The following CD163 variants were observed in gnomAD, a reference collection of about 807,000 sequenced individuals.
The protein encoded by CD163 is CD163 molecule, also known as scavenger receptor cysteine-rich type 1 protein M130.
A neutral mutation model predicts 129.2 loss-of-function variants in CD163; 64 were observed. That is an observed-to-expected ratio of 0.50 (90% CI 0.41 to 0.61). The LOEUF is 0.61. Among genes scored for constraint, CD163 ranks in the 20% least tolerant of loss-of-function variants. CD163 has a pLI of 0.00. For missense variants in CD163, 1,061 were observed against 1,377.9 expected (o/e 0.77, Z 3.64); for synonymous variants, 446 against 478.5 (o/e 0.93, Z 0.89).
chr12:7,486,682 G>C lies in CD163; in HGVS notation c.2275C>G (p.Gln759Glu). The change falls in exon 10 of 17, where the codon CAG (glutamine) becomes GAG (glutamate). Residue 759 changes from glutamine (Q) to glutamate (E), a missense_variant. Physicochemically the swap from Gln to Glu is conservative, Grantham distance 29 (BLOSUM62 2). Transcript: ENST00000432237. ...TTAATGGCCTCTCCACAGCCCAGCT[G>C]TCTGCAAACCACGTGGGCATCACTC... ...DLSDAHVVCR[Q>E]LGCGEAINAT... The C allele has an allele frequency of 6.2e-7, 1 of 1,614,194 alleles. No homozygotes were observed. Among genetic ancestry groups the C allele is most frequent in the East Asian group, 2.2e-5 (1 of 44,882 alleles).
chr12:7,494,037 T>C (rs1949363957), intron 6 of CD163, among the ~76,000 whole-genome samples: 1 of 152,212 alleles, frequency 6.6e-6, no homozygotes, highest in Non-Finnish European at 1.5e-5. Flanking sequence ...AAACAATTTA[T>C]ACAACATGCC....
At position 7,485,891 on chromosome 12, in the gene CD163, C is replaced by A. The variant is rs182190349; in HGVS notation, c.2459-475G>T. ...TCATTAAAATAGGAATAAATCACTT[C>A]TGAGATACAGAGTTTTTCACTTCCT... On this transcript the variant is annotated intron_variant, in intron 10 of 16. Transcript: ENST00000432237. The surrounding 1 kb of genome is among the most constrained non-coding windows in gnomAD (Gnocchi z 4.5). Among the ~76,000 whole-genome samples, 549 of 152,230 alleles carry A rather than the reference C, an allele frequency of 3.6e-3. 6 individuals are homozygous for A. Among genetic ancestry groups the A allele is most frequent in the African/African-American group, 0.013 (534 of 41,506 alleles).
chr12:7,483,760 T>TAA (rs35675142), intron 11 of CD163, 85 bp from the exon 12 acceptor site: 1,425 of 402,606 alleles, frequency 3.5e-3, no homozygotes, highest in East Asian at 4.6e-3. Context: ...ATTTGAAACT[T>TAA]AAAAAAAAAA....
In CD163 at chr12:7,486,758, C is replaced by G; in HGVS notation, c.2199G>C (p.Glu733Asp). Residue 733 changes from glutamate (E) to aspartate (D), a missense_variant, in exon 10 of 17, where the codon GAG becomes GAC. Physicochemically the swap from Glu to Asp is conservative, Grantham distance 45 (BLOSUM62 2). Transcript: ENST00000432237. ...NGGGRCAGRV[E>D]IYHEGSWGTI... ...TGCCCCAGGAGCCCTCATGATAGAT[C>G]TCTACTCTCCCAGCACAGCGACCTC... 6.2e-7 allele frequency: 1 copy of G among 1,614,052 alleles called. No homozygotes were observed. Among genetic ancestry groups the G allele is most frequent in the Non-Finnish European group, 8.5e-7 (1 of 1,179,920 alleles).
chr12:7,491,924 A>G (rs1377866777), intron 6 of CD163, among the ~76,000 whole-genome samples: 4 of 152,082 alleles, frequency 2.6e-5, no homozygotes, highest in African/African-American at 9.7e-5. Context: ...ATTGTTTCCA[A>G]TTCTCCTGCT....
intron 6 of CD163, among the ~76,000 whole-genome samples, chr12:7,489,771 C>T (rs964458380): frequency 1.3e-5 from 2 of 152,068 alleles, no homozygotes; most frequent in African/African-American, 4.8e-5. Context: ...TTCATAGATT[C>T]CCTAATTTCG....
rs758460376 is a variant in CD163, at chr12:7,486,757, T to A, written c.2200A>T (p.Ile734Phe). The change falls in exon 10 of 17, where the codon ATC becomes TTC. Residue 734 changes from isoleucine to phenylalanine, a missense_variant. Coordinates refer to ENST00000432237, the MANE Select transcript of CD163 (RefSeq NM_203416.4). ...GTGCCCCAGGAGCCCTCATGATAGATCTCTACTCTCCCAGCACAGCGACCT... is the reference window on the plus strand; with the variant it reads ...GTGCCCCAGGAGCCCTCATGATAGAACTCTACTCTCCCAGCACAGCGACCT... ...GGGRCAGRVE[I>F]YHEGSWGTIC... The A allele has an allele frequency of 6.2e-7, 1 of 1,613,924 alleles. No homozygotes were observed. The highest frequency in any genetic ancestry group is 2.2e-5 in the East Asian group (1 of 44,886).
intron 4 of CD163, among the ~76,000 whole-genome samples, chr12:7,497,839 G>A (rs1428003504): frequency 1.3e-5 from 2 of 152,124 alleles, no homozygotes; most frequent in Admixed American, 6.5e-5. Context: ...AGAATGGAAG[G>A]TACAGTCTGT....
chr12:7,498,160 G>A (rs2136737079), intron 4 of CD163, among the ~76,000 whole-genome samples: 1 of 151,936 alleles, frequency 6.6e-6, no homozygotes, highest in East Asian at 1.9e-4. Context: ...GAGAGAGAGA[G>A]AGAGAGAGAA....
intron 4 of CD163, among the ~76,000 whole-genome samples, chr12:7,497,646 C>T (rs182511326): frequency 2.0e-5 from 3 of 152,188 alleles, no homozygotes; most frequent in Admixed American, 2.0e-4. Flanking sequence ...ACAATTTTCA[C>T]CTTCCCCAAA....
In CD163 at chr12:7,496,620, G is replaced by C. The variant is rs746575539; in HGVS notation, c.1099+193C>G. Among the ~76,000 whole-genome samples the C allele has an allele frequency of 6.6e-6, 1 of 152,122 alleles. No individual in the cohort carries two copies. Among genetic ancestry groups the C allele is most frequent in the African/African-American group, 2.4e-5 (1 of 41,418 alleles). ...CTGAGTAATTATTACAGAGAATGCCGTCAGACAACCTTCCAAACTAGTTGA... is the reference window on the plus strand; with the variant it reads ...CTGAGTAATTATTACAGAGAATGCCCTCAGACAACCTTCCAAACTAGTTGA... On this transcript the variant is annotated intron_variant, in intron 5 of 16. Coordinates refer to ENST00000432237, the MANE Select transcript of CD163 (RefSeq NM_203416.4). The surrounding 1 kb of genome is among the most constrained non-coding windows in gnomAD (Gnocchi z 4.8).
chr12:7,488,008 G>A lies in CD163; in HGVS notation c.1500C>T (p.Gly500=), dbSNP rs780386099. 3.1e-6 allele frequency: 5 copies of A among 1,613,996 alleles called. No individual in the cohort carries two copies. Among genetic ancestry groups the A allele is most frequent in the Non-Finnish European group, 4.2e-6 (5 of 1,180,008 alleles). Residue 500 remains glycine (G), a synonymous_variant, in exon 7 of 17, where the codon GGC becomes GGT. Transcript: ENST00000432237. ...RVEVKHGDTW[G]SICDSDFSLE... Reference sequence around the variant, plus strand: ...GAGAGAAGTCCGAATCACAGATGGAGCCCCACGTGTCACCATGCTTCACTT... The same window carrying A: ...GAGAGAAGTCCGAATCACAGATGGAACCCCACGTGTCACCATGCTTCACTT...
In CD163 at chr12:7,496,620, G is replaced by A. The variant is rs746575539; in HGVS notation, c.1099+193C>T. Among the ~76,000 whole-genome samples, 11 of 152,240 alleles carry A rather than the reference G, an allele frequency of 7.2e-5. No individual in the cohort carries two copies. In the East Asian group the frequency reaches 1.5e-3, roughly 21 times the overall value. ...CTGAGTAATTATTACAGAGAATGCCGTCAGACAACCTTCCAAACTAGTTGA... is the reference window on the plus strand; with the variant it reads ...CTGAGTAATTATTACAGAGAATGCCATCAGACAACCTTCCAAACTAGTTGA... On this transcript the variant is annotated intron_variant, in intron 5 of 16. Coordinates refer to ENST00000432237, the MANE Select transcript of CD163 (RefSeq NM_203416.4). The surrounding 1 kb of genome is among the most constrained non-coding windows in gnomAD (Gnocchi z 4.8).
intron 14 of CD163, 27 bp downstream of exon 14, chr12:7,482,616 A>G: frequency 6.2e-7 from 1 of 1,613,574 alleles, no homozygotes; most frequent in Non-Finnish European, 8.5e-7. Flanking sequence ...CTGTAGACAT[A>G]TTAGATAAAC....
chr12:7,487,502 GCTC>G lies in CD163; in HGVS notation c.1904_1906del (p.Gly635del). ...CTGACCATTTCCTTTTCCAAAACGT[GCTC>G]CTCCTGGGGTAGAAAGGGCAACTCC... On this transcript the variant is annotated inframe_deletion, in exon 8 of 17. Transcript: ENST00000432237. This position sits in a 1 kb window ranked among gnomAD's most constrained non-coding sequence, Gnocchi z 5.1. 2 of 1,614,088 alleles carry G rather than the reference GCTC, an allele frequency of 1.2e-6. No individual in the cohort carries two copies. The highest frequency in any genetic ancestry group is 1.7e-6 in the Non-Finnish European group (2 of 1,180,010).
chr12:7,482,791 G>C (rs758931850), intron 13 of CD163, 29 bp from the exon 14 acceptor site: 1 of 1,611,850 alleles, frequency 6.2e-7, no homozygotes, highest in Non-Finnish European at 8.5e-7. Context: ...CAAGAGATAT[G>C]ATCATGTCTT....
chr12:7,499,644 T>A (rs1949451681), intron 3 of CD163, among the ~76,000 whole-genome samples: 1 of 152,170 alleles, frequency 6.6e-6, no homozygotes, highest in African/African-American at 2.4e-5. Flanking sequence ...AAACAGCCAG[T>A]TCTATACACA....
chr12:7,485,055 G>A lies in CD163; in HGVS notation c.2779+41C>T. The stretch of plus-strand genomic sequence containing the variant: ...TCCATTATCAGAAGATGATAGCGGG[G>A]CTGCAGAATGGAATTTTCATATAGG... On this transcript the variant is annotated intron_variant, in intron 11 of 16. Transcript: ENST00000432237. The surrounding 1 kb of genome is among the most constrained non-coding windows in gnomAD (Gnocchi z 4.5). 6.7e-7 allele frequency: 1 copy of A among 1,495,204 alleles called. No homozygotes were observed. Among genetic ancestry groups the A allele is most frequent in the Non-Finnish European group, 9.1e-7 (1 of 1,103,450 alleles). The allele number at this position is 1,495,204 out of a possible 1,614,324, so 92.6% of individuals were successfully genotyped here.
chr12:7,492,754 T>C (rs1949343071), intron 6 of CD163, among the ~76,000 whole-genome samples: 6 of 152,120 alleles, frequency 3.9e-5, no homozygotes, highest in Admixed American at 3.3e-4. Flanking sequence ...ATATTGTTAA[T>C]CAAGAGTCCT....
Sources: gnomAD v4.1 joint callset for allele counts (sites outside exome capture counted in the v4.1 genomes callset) on GRCh38, gnomAD v4.1.1 for gene constraint, Gnocchi (gnomAD v3.1) non-coding constraint, MANE v1.5 for transcripts, NCBI Gene and HGNC (gene_info 2026-07-23, HGNC 2026-07-21) for gene names.